AKAP7: variants seen among roughly 807,000 people sequenced by gnomAD.
AKAP7 encodes A-kinase anchoring protein 7.
A neutral mutation model predicts 39.5 loss-of-function variants in AKAP7; 39 were observed. The observed-to-expected ratio is 0.99, with a 90% CI of 0.76 to 1.29. The LOEUF (loss-of-function observed/expected upper bound fraction) is 1.29, where lower values mean the gene tolerates loss of function less well. Among genes scored for constraint, AKAP7 ranks in the 50% most tolerant of loss-of-function variants. AKAP7 has a pLI of 0.00. For synonymous variants in AKAP7, 140 were observed against 139.1 expected (o/e 1.01, Z -0.05); for missense variants, 414 against 407.7 (o/e 1.02, Z -0.13).
rs149897992 is a variant in AKAP7 at position 131,183,147 on chromosome 6, A to G, written c.589+13874A>G. On this transcript the variant is annotated intron_variant, in intron 5 of 7. Coordinates refer to ENST00000431975, the MANE Select transcript of AKAP7 (RefSeq NM_016377.4). The stretch of plus-strand genomic sequence containing the variant: ...TGTTTAGAATACAGGAACTAACGAA[A>G]GGAAAAAAAAGACAACTTCAAAGTG... 9.3e-4 allele frequency among the ~76,000 whole-genome samples: 141 copies of G among 152,296 alleles called. 1 individual carries two copies. The East Asian group carries it at 0.024, about 25-fold the overall frequency.
chr6:131,214,989 A>T (rs1312558019), intron 6 of AKAP7, among the ~76,000 whole-genome samples: 1 of 152,012 alleles, frequency 6.6e-6, no homozygotes, highest in Admixed American at 6.6e-5. Flanking sequence ...TAGTTTTCTT[A>T]TCTGTGGATA....
intron 7 of AKAP7, among the ~76,000 whole-genome samples, chr6:131,241,174 C>A (rs189877022): frequency 6.6e-6 from 1 of 151,922 alleles, no homozygotes; most frequent in Non-Finnish European, 1.5e-5. Context: ...AGTATAAGCA[C>A]GATGGTTGAG....
chr6:131,252,215 A>G (rs1812499966), intron 7 of AKAP7, among the ~76,000 whole-genome samples: 1 of 152,192 alleles, frequency 6.6e-6, no homozygotes, highest in Non-Finnish European at 1.5e-5. Context: ...ACAGGAAGTA[A>G]TATGTACTGC....
At chr6:131,149,896 A>G (rs1213282440) in intron 2 of AKAP7, among the ~76,000 whole-genome samples, 2 of 152,180 alleles carry the variant, frequency 1.3e-5, no homozygotes, top group East Asian at 3.8e-4. Context: ...ATAGCTTAGT[A>G]TGCTTCCCAC....
chr6:131,244,402 G>A (rs1811838462), intron 7 of AKAP7, among the ~76,000 whole-genome samples: 1 of 152,168 alleles, frequency 6.6e-6, no homozygotes, highest in Non-Finnish European at 1.5e-5. Context: ...ATAAACAGTG[G>A]ATGGAATTAA....
rs577041759 is a variant in AKAP7 at position 131,250,657 on chromosome 6, C to T, written c.850+30849C>T. The T allele has an allele frequency of 3.3e-5, 53 of 1,601,292 alleles. No individual in the cohort carries two copies. In the South Asian group the frequency reaches 5.7e-4, roughly 17 times the overall value. ...ACTGTGCAGAATCCTAAGTGCTTGA[C>T]TATTTTGTGCGGTTGTCTTCTAGGG... On this transcript the variant is annotated intron_variant, in intron 7 of 7. Transcript: ENST00000431975.
chr6:131,269,988 C>T (rs906003589), intron 7 of AKAP7, among the ~76,000 whole-genome samples: 3 of 152,194 alleles, frequency 2.0e-5, no homozygotes, highest in Non-Finnish European at 4.4e-5. Context: ...TGCGGAGTGA[C>T]AGGGCACTAG....
chr6:131,213,263 T>TGGTTTTTTAA (rs1808842177), intron 6 of AKAP7, among the ~76,000 whole-genome samples: 1 of 151,916 alleles, frequency 6.6e-6, no homozygotes, highest in Non-Finnish European at 1.5e-5. Flanking sequence ...ACGTTTTTTA[T>TGGTTTTTTAA]ACCAGTGAAT....
chr6:131,179,138 A>G (rs1368766310), intron 5 of AKAP7, among the ~76,000 whole-genome samples: 1 of 151,398 alleles, frequency 6.6e-6, no homozygotes, highest in Non-Finnish European at 1.5e-5. Context: ...AGGTCTCATC[A>G]CAGGTTGTGA....
intron 7 of AKAP7, among the ~76,000 whole-genome samples, chr6:131,226,052 T>C (rs893596811): frequency 7.9e-5 from 12 of 152,218 alleles, no homozygotes; most frequent in African/African-American, 2.9e-4. Context: ...CATTACCACA[T>C]TGGTCTCACG....
At chr6:131,209,345 G>A (rs574244334) in intron 6 of AKAP7, among the ~76,000 whole-genome samples, 1 of 151,970 alleles carries the variant, frequency 6.6e-6, no homozygotes, top group South Asian at 2.1e-4. Flanking sequence ...CTGCCTCCTG[G>A]GTTCACGCCA....
At chr6:131,174,065 T>A (rs1804341136) in intron 5 of AKAP7, among the ~76,000 whole-genome samples, 1 of 152,218 alleles carries the variant, frequency 6.6e-6, no homozygotes, top group African/African-American at 2.4e-5. Flanking sequence ...TAGGTACTGT[T>A]GATTAAAAAT....
chr6:131,164,608 G>A (rs1334678867), intron 3 of AKAP7: 1 of 338,132 alleles, frequency 3.0e-6, no homozygotes, highest in East Asian at 7.8e-5. Context: ...ATGAGGAACG[G>A]GTTCACAGAC....
Position 131,256,780 on chromosome 6 carries a change from T to TTTGA in AKAP7, c.851-24750_851-24749insTTGA, listed in dbSNP as rs199902070. Among the ~76,000 whole-genome samples the TTTGA allele has an allele frequency of 0.014, 2,152 of 151,988 alleles. 137 individuals carry two copies. In the East Asian group the frequency reaches 0.17, roughly 12 times the overall value. On this transcript the variant is annotated intron_variant, in intron 7 of 7. Transcript: ENST00000431975. The stretch of plus-strand genomic sequence containing the variant: ...GTCTCAAACTCCTGGCCTCAAGTGA[T>TTTGA]CCTCCCACCTCGGCCTCCCAGAGTA...
At position 131,179,868 on chromosome 6, in the gene AKAP7, CAAATAAAT is replaced by C. The variant is rs146955140; in HGVS notation, c.589+10618_589+10625del. 1.7e-3 allele frequency among the ~76,000 whole-genome samples: 256 copies of C among 149,410 alleles called. 2 individuals are homozygous for C. Among genetic ancestry groups the C allele is most frequent in the African/African-American group, 5.4e-3 (217 of 40,480 alleles). ...TGGGTGACAGAAAAAGACCCTGTCT[CAAATAAAT>C]AAATAAATAAATAAATAAATAATAA... On this transcript the variant is annotated intron_variant, in intron 5 of 7. Transcript: ENST00000431975.
chr6:131,137,208 C>T (rs933280012), intron 1 of AKAP7, among the ~76,000 whole-genome samples: 1 of 151,918 alleles, frequency 6.6e-6, no homozygotes, highest in Admixed American at 6.6e-5. Flanking sequence ...AGCAGTCCTT[C>T]TCTGAGTGCT....
intron 7 of AKAP7, among the ~76,000 whole-genome samples, chr6:131,276,844 A>G (rs552707359): frequency 6.6e-6 from 1 of 152,120 alleles, no homozygotes; most frequent in Non-Finnish European, 1.5e-5. Flanking sequence ...ATAGGCACCT[A>G]GATACTGGCA....
chr6:131,282,093 C>T lies in AKAP7; in HGVS notation c.*367C>T. 3 of 1,143,234 alleles carry T rather than the reference C, an allele frequency of 2.6e-6. No individual in the cohort carries two copies. Among genetic ancestry groups the T allele is most frequent in the Non-Finnish European group, 3.2e-6 (3 of 932,394 alleles). The allele number at this position is 1,143,234 out of a possible 1,614,324, so 70.8% of individuals were successfully genotyped here. On this transcript the variant is annotated 3_prime_UTR_variant, in exon 8 of 8. Transcript: ENST00000431975. ...TTATATTGCTTAGCAGGGCATTTGA[C>T]TACTTTATCTGAGGCCAGAACTCTC...
chr6:131,257,549 G>A (rs1228678896), intron 7 of AKAP7, among the ~76,000 whole-genome samples: 1 of 152,008 alleles, frequency 6.6e-6, no homozygotes, highest in African/African-American at 2.4e-5. Context: ...CACTTCTTGG[G>A]GTCTTGTCCA....
Sources: allele counts gnomAD v4.1 joint callset (sites outside exome capture counted in the v4.1 genomes callset), GRCh38; gene constraint gnomAD v4.1.1; transcripts MANE v1.5; gene names NCBI Gene and HGNC (gene_info 2026-07-23, HGNC 2026-07-21).